LRRC1: variants seen among roughly 807,000 people sequenced by gnomAD.
LRRC1 encodes leucine-rich repeat-containing protein 1.
LRRC1 carries 28 observed loss-of-function variants against 69.9 expected under a neutral mutation model. That is an observed-to-expected ratio of 0.40 (90% CI 0.30 to 0.55). The LOEUF is 0.55. LRRC1 is among the 20% of genes least tolerant of loss of function. The pLI is 0.47. For synonymous variants in LRRC1, 236 were observed against 240.2 expected, an observed-to-expected ratio of 0.98 and a Z score of 0.16; for missense variants, 498 against 609.0, an observed-to-expected ratio of 0.82 and a Z score of 1.92.
chr6:53,841,505 T>A (rs1345732174), intron 1 of LRRC1, among the ~76,000 whole-genome samples: 1 of 152,192 alleles, frequency 6.6e-6, no homozygotes, highest in African/African-American at 2.4e-5. Flanking sequence ...TTTATGTTCA[T>A]GTGTATATAA....
intron 2 of LRRC1, among the ~76,000 whole-genome samples, chr6:53,843,763 A>C (rs1765858302): frequency 6.6e-6 from 1 of 151,958 alleles, no homozygotes; most frequent in African/African-American, 2.4e-5. Context: ...CAGTGTGTCC[A>C]CTTCTGTTTG....
chr6:53,831,688 C>G (rs1332076682), intron 1 of LRRC1, among the ~76,000 whole-genome samples: 2 of 152,142 alleles, frequency 1.3e-5, no homozygotes, highest in African/African-American at 2.4e-5. Context: ...TGTATGCACT[C>G]AAAGTGCCAT....
At chr6:53,870,570 A>G (rs181618619) in intron 2 of LRRC1, among the ~76,000 whole-genome samples, 25 of 152,300 alleles carry the variant, frequency 1.6e-4, no homozygotes, top group African/African-American at 5.3e-4. Flanking sequence ...ACATTTATAC[A>G]GTGCATAGTG....
intron 1 of LRRC1, among the ~76,000 whole-genome samples, chr6:53,799,116 A>G (rs1219872209): frequency 6.6e-6 from 1 of 152,228 alleles, no homozygotes; most frequent in Non-Finnish European, 1.5e-5. Flanking sequence ...TAAAGGCTTC[A>G]TAGCTTTAAA....
chr6:53,914,125 G>A (rs192620989), intron 11 of LRRC1, among the ~76,000 whole-genome samples, 156 bp downstream of exon 11: 5 of 152,278 alleles, frequency 3.3e-5, no homozygotes, highest in African/African-American at 7.2e-5. Context: ...CTTCATAGGG[G>A]GGCTAGAGTG....
chr6:53,802,422 T>A lies in LRRC1; in HGVS notation c.159+7007T>A, dbSNP rs530666380. The stretch of plus-strand genomic sequence containing the variant: ...CTTTCTACTATGCCGCCTTGTGTTG[T>A]GCTGACCCATCCAAAGTGCTTCATA... On this transcript the variant is annotated intron_variant, in intron 1 of 13. Coordinates refer to ENST00000370888, the MANE Select transcript of LRRC1 (RefSeq NM_018214.5). 2.2e-4 allele frequency among the ~76,000 whole-genome samples: 33 copies of A among 152,336 alleles called. No homozygotes were observed. The South Asian group carries it at 6.4e-3, about 30-fold the overall frequency.
intron 4 of LRRC1, among the ~76,000 whole-genome samples, chr6:53,888,972 T>C (rs1767585374): frequency 6.6e-6 from 1 of 152,186 alleles, no homozygotes; most frequent in Non-Finnish European, 1.5e-5. Flanking sequence ...TATCAGAGTC[T>C]AGTTACCAGA....
At chr6:53,820,330 G>A (rs932303536) in intron 1 of LRRC1, among the ~76,000 whole-genome samples, 1 of 150,672 alleles carries the variant, frequency 6.6e-6, no homozygotes, top group African/African-American at 2.5e-5. Flanking sequence ...TGCTTTCCTA[G>A]ATGTGAAGTG....
chr6:53,890,936 A>G (rs1767659281), intron 4 of LRRC1, among the ~76,000 whole-genome samples: 2 of 152,222 alleles, frequency 1.3e-5, no homozygotes, highest in African/African-American at 2.4e-5. Flanking sequence ...GGCCGCTAAA[A>G]TGGAAAAAAA....
intron 9 of LRRC1, among the ~76,000 whole-genome samples, chr6:53,904,124 C>T (rs77369514): frequency 0.012 from 1,770 of 152,336 alleles, 32 homozygotes; most frequent in African/African-American, 0.038. Flanking sequence ...TTTCCCTTTA[C>T]AAGATGATTC....
At chr6:53,877,597 A>G (rs1490729845) in intron 2 of LRRC1, among the ~76,000 whole-genome samples, 2 of 152,056 alleles carry the variant, frequency 1.3e-5, no homozygotes, top group African/African-American at 2.4e-5. Context: ...CCAGATACCT[A>G]TATCATCTCT....
At chr6:53,883,858 A>G (rs867201646) in intron 4 of LRRC1, 1 of 713,568 alleles carries the variant, frequency 1.4e-6, no homozygotes, top group African/African-American at 1.7e-5. Flanking sequence ...AGTTGAGCAC[A>G]GTCTGACATG....
intron 1 of LRRC1, among the ~76,000 whole-genome samples, chr6:53,823,894 A>T (rs181623123): frequency 2.9e-3 from 442 of 152,280 alleles, no homozygotes; most frequent in Non-Finnish European, 4.1e-3. Context: ...TCTACCATTG[A>T]GGGACATTTA....
intron 4 of LRRC1, among the ~76,000 whole-genome samples, chr6:53,890,298 G>A (rs1191631280): frequency 6.6e-6 from 1 of 152,230 alleles, no homozygotes; most frequent in Non-Finnish European, 1.5e-5. Flanking sequence ...ACCCGAAACA[G>A]TTATTCAGTC....
chr6:53,841,017 T>C (rs550187234), intron 1 of LRRC1, among the ~76,000 whole-genome samples: 156 of 152,156 alleles, frequency 1.0e-3, no homozygotes, highest in Non-Finnish European at 8.5e-4. Context: ...GTGAGGCTTA[T>C]AACCTGAAGC....
intron 1 of LRRC1, among the ~76,000 whole-genome samples, chr6:53,826,889 T>A (rs556256522): frequency 6.6e-6 from 1 of 152,232 alleles, no homozygotes; most frequent in South Asian, 2.1e-4. Flanking sequence ...GTGACTATAA[T>A]GCCTCTATTG....
intron 1 of LRRC1, among the ~76,000 whole-genome samples, chr6:53,833,129 ACCATCAGTCTGGTCCTC>A (rs1465692778): frequency 3.9e-5 from 6 of 152,116 alleles, no homozygotes; most frequent in African/African-American, 1.4e-4. Flanking sequence ...CTCCATCTGC[ACCATCAGTCTGGTCCTC>A]CCATGTCAAC....
chr6:53,800,699 A>T (rs1422134970), intron 1 of LRRC1, among the ~76,000 whole-genome samples: 2 of 148,828 alleles, frequency 1.3e-5, no homozygotes, highest in African/African-American at 5.0e-5. Context: ...GAGTGTGGTG[A>T]TGCAGTCTTG....
At chr6:53,888,108 C>T (rs1767550199) in intron 4 of LRRC1, among the ~76,000 whole-genome samples, 1 of 152,158 alleles carries the variant, frequency 6.6e-6, no homozygotes, top group African/African-American at 2.4e-5. Flanking sequence ...TTCAAAAGAA[C>T]ATTTTAATAC....
Sources: allele counts gnomAD v4.1 joint callset (sites outside exome capture counted in the v4.1 genomes callset), GRCh38; gene constraint gnomAD v4.1.1; transcripts MANE v1.5; gene names NCBI Gene and HGNC (gene_info 2026-07-23, HGNC 2026-07-21).